GLYR1: variants seen among roughly 807,000 people sequenced by gnomAD.
The protein encoded by GLYR1 is cytokine-like nuclear factor N-PAC.
GLYR1 carries 21 observed loss-of-function variants against 72.7 expected under a neutral mutation model. That is an observed-to-expected ratio of 0.29 (90% CI 0.20 to 0.42). GLYR1 has a LOEUF of 0.42. GLYR1 is among the 10% of genes least tolerant of loss of function. The pLI is 1.00. For missense variants in GLYR1, 594 were observed against 712.1 expected, an observed-to-expected ratio of 0.83 and a Z score of 1.89; for synonymous variants, 392 against 270.2, an observed-to-expected ratio of 1.45 and a Z score of -4.42.
At chr16:4,847,016 G>C (rs2086182391) in intron 1 of GLYR1, 1 of 561,712 alleles carries the variant, frequency 1.8e-6, no homozygotes, top group Non-Finnish European at 3.1e-6. Context: ...GGGGATCAAA[G>C]CCGGTGCCCG....
At chr16:4,824,020 T>C (rs2084219395) in intron 5 of GLYR1, 113 bp from the exon 6 acceptor site, 1 of 741,184 alleles carries the variant, frequency 1.3e-6, no homozygotes, top group East Asian at 2.7e-5. Flanking sequence ...ACTGTTCTGA[T>C]GACCGTCCCT....
At chr16:4,842,161 A>G (rs1356996200) in intron 3 of GLYR1, among the ~76,000 whole-genome samples, 1 of 151,438 alleles carries the variant, frequency 6.6e-6, no homozygotes, top group Non-Finnish European at 1.5e-5. Flanking sequence ...GGAGAATGGC[A>G]TGAACCCGGG....
intron 1 of GLYR1, 132 bp downstream of exon 1, chr16:4,847,096 C>G: frequency 1.2e-6 from 1 of 856,542 alleles, no homozygotes; most frequent in Non-Finnish European, 1.8e-6. Context: ...CTCGCAAGCG[C>G]CGGCACCTTC....
chr16:4,836,634 C>T (rs1441214783), intron 3 of GLYR1, among the ~76,000 whole-genome samples: 1 of 152,114 alleles, frequency 6.6e-6, no homozygotes, highest in Non-Finnish European at 1.5e-5. Flanking sequence ...AAAAGCAATG[C>T]ATGTTATGTG....
Position 4,846,204 on chromosome 16 carries a change from T to C in GLYR1, c.45A>G (p.Lys15=), listed in dbSNP as rs1427908210. 2.5e-6 allele frequency: 4 copies of C among 1,613,738 alleles called. No homozygotes were observed. The African/African-American group carries it at 4.0e-5, about 16-fold the overall frequency. The part of the protein sequence containing the change: ...SLRLGDLVWG[K]LGRYPPWPGK... ...CTGGCCAAGGAGGATATCGGCCGAGTTTCCCCCTAGAGAAAACACAAAGAG... is the reference window on the plus strand; with the variant it reads ...CTGGCCAAGGAGGATATCGGCCGAGCTTCCCCCTAGAGAAAACACAAAGAG... The change falls in exon 2 of 16, where the codon AAA becomes AAG. Residue 15 remains lysine, a synonymous_variant. Transcript: ENST00000321919.
rs766788512 is a variant in GLYR1 at position 4,817,701 on chromosome 16, A to T, written c.807-4T>A. 3.1e-5 allele frequency: 49 copies of T among 1,577,732 alleles called. No individual in the cohort carries two copies. The highest frequency in any genetic ancestry group is 4.0e-5 in the Non-Finnish European group (46 of 1,147,034). ...ACCAAGGCCCAAAAATCCTATCCTG[A>T]AACAGAGAGAGACTGATGAGTTCAG... On this transcript the variant is annotated splice_polypyrimidine_tract_variant and splice_region_variant and intron_variant, in intron 9 of 15. Coordinates refer to ENST00000321919, the MANE Select transcript of GLYR1 (RefSeq NM_032569.4).
Position 4,832,809 on chromosome 16 carries a change from C to T in GLYR1, c.259G>A (p.Glu87Lys), listed in dbSNP as rs2084882044. 1 of 1,613,250 alleles carries T rather than the reference C, an allele frequency of 6.2e-7. No homozygotes were observed. Among genetic ancestry groups the T allele is most frequent in the Non-Finnish European group, 8.5e-7 (1 of 1,179,652 alleles). The change falls in exon 4 of 16, where the codon GAA (glutamate) becomes AAA (lysine). Residue 87 changes from glutamate (E) to lysine (K), a missense_variant. By Grantham distance (56) the Glu-to-Lys change is moderately conservative (BLOSUM62 1). Around this residue, in one of 5 missense-constraint regions of GLYR1, gnomAD observed 252 missense variants for 211.3 expected, o/e 1.19. Transcript: ENST00000321919. ...KRFQQAVDAVEEFLRRAKGKD... is the reference protein window; with the variant it reads ...KRFQQAVDAVKEFLRRAKGKD... ...CCTTTGGCTCTCCTGAGGAACTCTT[C>T]GACAGCATCTACCGCTTGCTGGAAT...
intron 3 of GLYR1, among the ~76,000 whole-genome samples, chr16:4,837,646 C>T (rs182919433): frequency 6.6e-6 from 1 of 151,988 alleles, no homozygotes; most frequent in Non-Finnish European, 1.5e-5. Context: ...CACACACAAG[C>T]ATAGAGTATA....
intron 5 of GLYR1, among the ~76,000 whole-genome samples, chr16:4,827,261 G>T (rs2084440551): frequency 6.6e-6 from 1 of 152,226 alleles, no homozygotes; most frequent in Non-Finnish European, 1.5e-5. Flanking sequence ...CCAGCCAAAT[G>T]ACAATTACTA....
chr16:4,823,193 T>C (rs2084152712), intron 6 of GLYR1, among the ~76,000 whole-genome samples: 1 of 152,264 alleles, frequency 6.6e-6, no homozygotes, highest in South Asian at 2.1e-4. Flanking sequence ...CCAATGAGCC[T>C]GTGGGAAAAT....
chr16:4,813,070 C>G (rs929920400), intron 12 of GLYR1, among the ~76,000 whole-genome samples: 1 of 151,966 alleles, frequency 6.6e-6, no homozygotes, highest in Non-Finnish European at 1.5e-5. Flanking sequence ...TCATGCCGCT[C>G]TCCTGCCTCA....
chr16:4,806,809 T>TC (rs2141934427), intron 15 of GLYR1, among the ~76,000 whole-genome samples: 1 of 151,724 alleles, frequency 6.6e-6, no homozygotes, highest in African/African-American at 2.4e-5. Flanking sequence ...TTTTTTCTTT[T>TC]TTTTTTTTTT....
At chr16:4,811,319 A>T (rs369162050) in intron 14 of GLYR1, 25 bp from the exon 15 acceptor site, 14 of 1,612,558 alleles carry the variant, frequency 8.7e-6, no homozygotes, top group Non-Finnish European at 1.1e-5. Context: ...CCAGTATCAG[A>T]CAAAAGCCAA....
Position 4,805,197 on chromosome 16 carries a change from G to C in GLYR1, c.*39C>G, listed in dbSNP as rs1362833648. The C allele has an allele frequency of 2.5e-6, 4 of 1,572,980 alleles. No homozygotes were observed. The highest frequency in any genetic ancestry group is 3.5e-6 in the Non-Finnish European group (4 of 1,143,906). On this transcript the variant is annotated 3_prime_UTR_variant, in exon 16 of 16. Transcript: ENST00000321919. ...ACCCCATGTGAGGAAGAGGGGGTCA[G>C]AGGGGGGATTGGAGGGGTGAGGGCG...
At chr16:4,825,420 G>A (rs2084316668) in intron 5 of GLYR1, among the ~76,000 whole-genome samples, 1 of 152,180 alleles carries the variant, frequency 6.6e-6, no homozygotes, top group African/African-American at 2.4e-5. Flanking sequence ...TCTTCTGACA[G>A]TTATCTCCTT....
chr16:4,838,360 C>G (rs2085300486), intron 3 of GLYR1, among the ~76,000 whole-genome samples: 2 of 152,140 alleles, frequency 1.3e-5, no homozygotes. Context: ...GTTTCCTCAT[C>G]TGTGAAAAAA....
chr16:4,819,534 C>T (rs1204025331), intron 9 of GLYR1, among the ~76,000 whole-genome samples: 1 of 152,176 alleles, frequency 6.6e-6, no homozygotes, highest in South Asian at 2.1e-4. Context: ...TGGTCATGAA[C>T]TCCTGGCCTC....
intron 15 of GLYR1, among the ~76,000 whole-genome samples, chr16:4,810,699 T>TAAAAAAAAAA (rs551202037): frequency 4.6e-5 from 1 of 21,820 alleles, no homozygotes; most frequent in Non-Finnish European, 7.4e-5. Flanking sequence ...CTGTCTCTAC[T>TAAAAAAAAAA]AAAAAAAAAA....
At chr16:4,847,026 G>C (rs2086183490) in intron 1 of GLYR1, 4 of 566,296 alleles carry the variant, frequency 7.1e-6, no homozygotes, top group Non-Finnish European at 1.2e-5. Context: ...GCCGGTGCCC[G>C]ACGTGGCCAC....
Sources: allele counts gnomAD v4.1 joint callset (sites outside exome capture counted in the v4.1 genomes callset), GRCh38; gene constraint gnomAD v4.1.1; regional missense constraint gnomAD v4.1.1; transcripts MANE v1.5; gene names NCBI Gene and HGNC (gene_info 2026-07-23, HGNC 2026-07-21).